The following CAPN6 variants were observed in gnomAD, a reference collection of about 807,000 sequenced individuals.
The protein encoded by CAPN6 is calpain-6.
In CAPN6, 16 loss-of-function variants were observed where a neutral mutation model predicts 46.0. The observed-to-expected ratio is 0.35, with a 90% confidence interval of 0.24 to 0.53. The LOEUF (loss-of-function observed/expected upper bound fraction) is 0.53. Among genes scored for constraint, CAPN6 ranks in the 20% least tolerant of loss-of-function variants. The pLI, the probability that CAPN6 is intolerant of heterozygous loss-of-function variation, is 0.94. For synonymous variants in CAPN6, 206 were observed against 172.8 expected (o/e 1.19, Z -1.51); for missense variants, 461 against 498.0 (o/e 0.93, Z 0.71).
chrX:111,251,349 G>A (rs1369360463), intron 6 of CAPN6, 63 bp from the exon 7 acceptor site: 2 of 1,072,299 alleles, frequency 1.9e-6, no homozygotes, highest in African/African-American at 3.8e-5. Context: ...ACTTCTTGTA[G>A]TAAGTAGGAT....
chrX:111,249,942 A>G (rs1192024947), intron 8 of CAPN6, among the ~76,000 whole-genome samples: 2 of 110,793 alleles, frequency 1.8e-5, no homozygotes, highest in African/African-American at 3.3e-5. Flanking sequence ...ACTCTGAACT[A>G]AGGCCCCTAA....
chrX:111,246,618 T>C lies in CAPN6; in HGVS notation c.1885A>G (p.Ser629Gly). ...TCATCGCTGGAAATAACCTTGAAGC[T>C]GATGTGGCCTTGCTTGACTTTGGCA... ...PTAKVKQGHI[S>G]FKVISSDDLT... Residue 629 changes from serine to glycine, a missense_variant, in exon 13 of 13, where the codon AGC becomes GGC. Coordinates refer to ENST00000324068, the MANE Select transcript of CAPN6 (RefSeq NM_014289.4). 8.3e-7 allele frequency: 1 copy of C among 1,211,324 alleles called. No homozygotes were observed. Among genetic ancestry groups the C allele is most frequent in the Non-Finnish European group, 1.1e-6 (1 of 895,196 alleles).
At chrX:111,248,514 G>A (rs2094976415) in intron 10 of CAPN6, 55 bp downstream of exon 10, 6 of 930,600 alleles carry the variant, frequency 6.4e-6, no homozygotes, top group Non-Finnish European at 7.8e-6. Context: ...AAGGGGTTTA[G>A]GATTGGAAGT....
rs1400403988 is a variant in CAPN6, at chrX:111,248,752, A to G, written c.1301T>C (p.Phe434Ser). 1 of 1,211,128 alleles carries G rather than the reference A, an allele frequency of 8.3e-7. No homozygotes were observed. Among genetic ancestry groups the G allele is most frequent in the Admixed American group, 2.2e-5 (1 of 46,038 alleles). ...ELFKVEMNRK[F>S]RLHHLYIQER... ...CTGGATGTAGAGGTGGTGGAGGCGG[A>G]ATTTGCGGTTCATCTCCACCTGGAA... The change falls in exon 10 of 13, where the codon TTC becomes TCC. Residue 434 changes from phenylalanine to serine, a missense_variant. By Grantham distance (155) the Phe-to-Ser change is radical. Transcript: ENST00000324068.
chrX:111,250,971 C>T lies in CAPN6; in HGVS notation c.1104G>A (p.Met368Ile). The T allele has an allele frequency of 1.7e-6, 2 of 1,211,075 alleles. No homozygotes were observed. Among genetic ancestry groups the T allele is most frequent in the Non-Finnish European group, 2.2e-6 (2 of 895,153 alleles). The change falls in exon 8 of 13, where the codon ATG becomes ATA. Residue 368 changes from methionine (M) to isoleucine (I), a missense_variant. Transcript: ENST00000324068. ...TGTTATAGCAGCCTCCTGAGCGGTT[C>T]ATCAGGGGATCATCATCCACAGTCC... ...GCWTVDDDPLMNRSGGCYNNR... is the reference protein window; with the variant it reads ...GCWTVDDDPLINRSGGCYNNR...
intron 1 of CAPN6, among the ~76,000 whole-genome samples, chrX:111,269,932 C>A (rs971245599): frequency 8.9e-6 from 1 of 111,938 alleles, no homozygotes. Context: ...GCTCGCATTT[C>A]AATAATTTTC....
intron 1 of CAPN6, among the ~76,000 whole-genome samples, chrX:111,265,985 C>T (rs2094991505): frequency 9.0e-6 from 1 of 110,872 alleles, no homozygotes; most frequent in Non-Finnish European, 1.9e-5. Flanking sequence ...CTTTCAGAGG[C>T]AGAATGTACA....
At chrX:111,263,386 C>T (rs778592431) in intron 2 of CAPN6, among the ~76,000 whole-genome samples, 1 of 111,477 alleles carries the variant, frequency 9.0e-6, no homozygotes, top group Non-Finnish European at 1.9e-5. Context: ...CAAAAAGGTA[C>T]AGTGTATTTT....
chrX:111,261,326 G>T lies in CAPN6; in HGVS notation c.165+2446C>A, dbSNP rs371844131. 5.3e-5 allele frequency among the ~76,000 whole-genome samples: 6 copies of T among 112,390 alleles called. No individual in the cohort carries two copies. In the East Asian group the frequency reaches 1.7e-3, roughly 31 times the overall value. On this transcript the variant is annotated intron_variant, in intron 2 of 12. Transcript: ENST00000324068. ...CTTTTTATATAAAGATATATAATGGGCATGTATCTACTGCTATTTTTTAAA... is the reference window on the plus strand; with the variant it reads ...CTTTTTATATAAAGATATATAATGGTCATGTATCTACTGCTATTTTTTAAA...
intron 1 of CAPN6, among the ~76,000 whole-genome samples, chrX:111,266,910 T>C (rs2094992391): frequency 8.8e-6 from 1 of 113,190 alleles, no homozygotes; most frequent in Non-Finnish European, 1.9e-5. Context: ...AAAGGTTCTT[T>C]ATTTTCATGG....
At chrX:111,260,935 G>C (rs1839215394) in intron 2 of CAPN6, among the ~76,000 whole-genome samples, 1 of 112,546 alleles carries the variant, frequency 8.9e-6, no homozygotes, top group South Asian at 3.7e-4. Flanking sequence ...CTCACCACAG[G>C]CCATGTCTGT....
At chrX:111,260,702 G>A (rs1478852087) in intron 2 of CAPN6, among the ~76,000 whole-genome samples, 1 of 111,977 alleles carries the variant, frequency 8.9e-6, no homozygotes, top group Non-Finnish European at 1.9e-5. Flanking sequence ...ACAGCTTTTG[G>A]AGGAGGCTCA....
chrX:111,247,746 C>T, intron 11 of CAPN6, 125 bp downstream of exon 11: 3 of 828,584 alleles, frequency 3.6e-6, no homozygotes. Context: ...GCCATGGTTG[C>T]CATCCATTCC....
rs902628512 is a variant in CAPN6, at chrX:111,246,384, C to T, written c.*193G>A. The T allele has an allele frequency of 4.7e-6, 2 of 423,422 alleles. No homozygotes were observed. The highest frequency in any genetic ancestry group is 8.1e-6 in the Non-Finnish European group (2 of 246,615). 34.9% of individuals were successfully genotyped at this position (423,422 alleles called of 1,213,427 possible). ...ACTGTCGCCTCCCCATGTCCAGCTG[C>T]TGGAGGTATATAGGTTATGTAGCTA... On this transcript the variant is annotated 3_prime_UTR_variant, in exon 13 of 13. Coordinates refer to ENST00000324068, the MANE Select transcript of CAPN6 (RefSeq NM_014289.4).
rs771957855 is a variant in CAPN6 at position 111,247,480 on chromosome X, T to C, written c.1631A>G (p.Lys544Arg). The change falls in exon 12 of 13, where the codon AAA becomes AGA. Residue 544 changes from lysine to arginine, a missense_variant. Lys to Arg is a conservative substitution (Grantham distance 26). Transcript: ENST00000324068. Reference protein sequence around the residue: ...NETVNPYLVIKCGKEEVRSPV... With the variant: ...NETVNPYLVIRCGKEEVRSPV... ...AGAACGGACTTCCTCCTTTCCACAT[T>C]TGATGACCAAATATGGGTTTACAGC... 8.3e-7 allele frequency: 1 copy of C among 1,207,679 alleles called. No individual in the cohort carries two copies. The highest frequency in any genetic ancestry group is 1.8e-5 in the South Asian group (1 of 56,294).
At chrX:111,255,149 C>T (rs903536032) in intron 2 of CAPN6, among the ~76,000 whole-genome samples, 2 of 111,804 alleles carry the variant, frequency 1.8e-5, no homozygotes, top group Non-Finnish European at 3.8e-5. Flanking sequence ...GTGCCTTTCC[C>T]ACTGGGAGTA....
intron 11 of CAPN6, 93 bp downstream of exon 11, chrX:111,247,778 C>T (rs981931097): frequency 1.3e-5 from 14 of 1,059,680 alleles, no homozygotes; most frequent in Admixed American, 5.0e-5. Context: ...GACAAAATAT[C>T]GCTGGAGAAA....
At chrX:111,256,853 C>G (rs1021128238) in intron 2 of CAPN6, among the ~76,000 whole-genome samples, 1 of 107,035 alleles carries the variant, frequency 9.3e-6, no homozygotes, top group South Asian at 4.7e-4. Flanking sequence ...GGACCCCCCC[C>G]CCCACAACAT....
At chrX:111,254,166 A>G in intron 3 of CAPN6, 106 bp downstream of exon 3, 1 of 962,944 alleles carries the variant, frequency 1.0e-6, no homozygotes, top group Non-Finnish European at 1.4e-6. Flanking sequence ...CTCTGCTTTC[A>G]AGAAATACAA....
Sources: allele counts gnomAD v4.1 joint callset (sites outside exome capture counted in the v4.1 genomes callset), GRCh38; gene constraint gnomAD v4.1.1; transcripts MANE v1.5; gene names NCBI Gene and HGNC (gene_info 2026-07-23, HGNC 2026-07-21).